RBM15: variants seen among roughly 807,000 people sequenced by gnomAD.
The protein encoded by RBM15 is RNA binding motif protein 15.
RBM15 carries 8 observed loss-of-function variants against 62.6 expected under a neutral mutation model. The observed-to-expected ratio is 0.13, with a 90% CI of 0.07 to 0.23. The LOEUF is 0.23. Ranked by LOEUF, RBM15 falls within the 10% of genes least tolerant of loss-of-function variation. The pLI is 1.00. For synonymous variants in RBM15, 606 were observed against 505.7 expected (o/e 1.20, Z -2.66); for missense variants, 1,144 against 1,286.5 (o/e 0.89, Z 1.69).
chr1:110,344,569 T>C (rs1397336823), intron 1 of RBM15, among the ~76,000 whole-genome samples: 5 of 152,184 alleles, frequency 3.3e-5, no homozygotes, highest in Non-Finnish European at 7.4e-5. Flanking sequence ...TCTAAATGTA[T>C]GTATTATAAA....
rs1380005021 is a variant in RBM15 at position 110,345,576 on chromosome 1, G to A, written c.2901G>A (p.Lys967=). 2 of 1,612,144 alleles carry A rather than the reference G, an allele frequency of 1.2e-6. No homozygotes were observed. Among genetic ancestry groups the A allele is most frequent in the South Asian group, 2.2e-5 (2 of 90,738 alleles). Reference sequence around the variant, plus strand: ...AGATAGGAGTTAGGTATGAGAACAAGAAGAGAGAAAACTTGGCGCTGACCC... The same window carrying A: ...AGATAGGAGTTAGGTATGAGAACAAAAAGAGAGAAAACTTGGCGCTGACCC... ...GFQIGVRYEN[K]KRENLALTLL The change falls in exon 2 of 3, where the codon AAG becomes AAA. Residue 967 remains lysine (K), a synonymous_variant. Transcript: ENST00000369784.
chr1:110,343,632 A>C (rs767071379), intron 1 of RBM15, among the ~76,000 whole-genome samples: 43 of 151,446 alleles, frequency 2.8e-4, no homozygotes, highest in Admixed American at 9.9e-4. Context: ...CCCACCCCTA[A>C]TTTGTCAGGT....
At chr1:110,343,704 A>G (rs1421385958) in intron 1 of RBM15, among the ~76,000 whole-genome samples, 1 of 152,030 alleles carries the variant, frequency 6.6e-6, no homozygotes, top group African/African-American at 2.4e-5. Flanking sequence ...AAGGCCCTTG[A>G]TATTTAATTA....
Position 110,341,734 on chromosome 1 carries a change from G to T in RBM15, c.2329G>T (p.Val777Leu), listed in dbSNP as rs776067103. ...GAAACAGGATGGGGGGACAGCCCCTGTGGCATCAGCCTCTCCCAAACTCTG... is the reference window on the plus strand; with the variant it reads ...GAAACAGGATGGGGGGACAGCCCCTTTGGCATCAGCCTCTCCCAAACTCTG... ...SQKQDGGTAP[V>L]ASASPKLCLA... Residue 777 changes from valine to leucine, a missense_variant, in exon 1 of 3, where the codon GTG (valine) becomes TTG (leucine). Val to Leu is a conservative substitution (Grantham distance 32). This residue lies in a region of RBM15 where 360 missense variants were observed against 342.9 expected (regional missense o/e 1.05). Coordinates refer to ENST00000369784, the MANE Select transcript of RBM15 (RefSeq NM_022768.5). This position sits in a 1 kb window ranked among gnomAD's most constrained non-coding sequence, Gnocchi z 4.5. The T allele has an allele frequency of 5.0e-6, 8 of 1,614,186 alleles. No individual in the cohort carries two copies. The highest frequency in any genetic ancestry group is 4.4e-5 in the South Asian group (4 of 91,084).
chr1:110,346,283 A>G (rs758086041), intron 2 of RBM15, 25 bp from the exon 3 acceptor site: 4 of 1,596,124 alleles, frequency 2.5e-6, no homozygotes, highest in Non-Finnish European at 3.4e-6. Context: ...GTACTGAATA[A>G]CCTTTTTTTC....
In RBM15 at chr1:110,346,375, T is replaced by TTG. The variant is rs1660898380; in HGVS notation, c.*111_*112dup. On this transcript the variant is annotated 3_prime_UTR_variant, in exon 3 of 3. Transcript: ENST00000369784. ...TCTAATGGACCTTTTTGAAGAGAAGTTGTGGCTTATGTGGAGTTTACATGG... is the reference window on the plus strand; with the variant it reads ...TCTAATGGACCTTTTTGAAGAGAAGTTGTGTGGCTTATGTGGAGTTTACATGG... The TTG allele has an allele frequency of 6.3e-7, 1 of 1,595,290 alleles. No individual in the cohort carries two copies. The highest frequency in any genetic ancestry group is 1.7e-5 in the Admixed American group (1 of 59,968).
chr1:110,344,210 G>A (rs1441603739), intron 1 of RBM15, among the ~76,000 whole-genome samples: 2 of 152,032 alleles, frequency 1.3e-5, no homozygotes, highest in South Asian at 2.1e-4. Flanking sequence ...TACATACGTG[G>A]GCTCATAGTA....
rs555175179 is a variant in RBM15, at chr1:110,341,074, G to T, written c.1669G>T (p.Ala557Ser). The T allele has an allele frequency of 6.2e-7, 1 of 1,614,156 alleles. No homozygotes were observed. Among genetic ancestry groups the T allele is most frequent in the Non-Finnish European group, 8.5e-7 (1 of 1,180,026 alleles). ...ELVTDAFGHR[A>S]PDPLRGARDR... ...GGTGACAGATGCTTTTGGACATCGG[G>T]CACCAGACCCTTTGAGGGGTGCTCG... Residue 557 changes from alanine to serine, a missense_variant, in exon 1 of 3, where the codon GCA becomes TCA. Transcript: ENST00000369784. The surrounding 1 kb of genome is among the most constrained non-coding windows in gnomAD (Gnocchi z 4.5).
In RBM15 at chr1:110,341,271, C is replaced by G; in HGVS notation, c.1866C>G (p.Ser622=). The G allele has an allele frequency of 6.2e-7, 1 of 1,614,124 alleles. No homozygotes were observed. The highest frequency in any genetic ancestry group is 1.1e-5 in the South Asian group (1 of 91,078). The change falls in exon 1 of 3, where the codon TCC becomes TCG. Residue 622 remains serine (S), a synonymous_variant. Transcript: ENST00000369784. This position sits in a 1 kb window ranked among gnomAD's most constrained non-coding sequence, Gnocchi z 4.5. ...DSLDRRRDGW[S]LDRDRGDRDL... Reference sequence around the variant, plus strand: ...TAGATCGCAGGCGGGATGGTTGGTCCTTGGACCGGGACAGAGGTGATCGAG... The same window carrying G: ...TAGATCGCAGGCGGGATGGTTGGTCGTTGGACCGGGACAGAGGTGATCGAG...
intron 1 of RBM15, 119 bp from the exon 2 acceptor site, chr1:110,345,420 C>T: frequency 1.3e-6 from 1 of 756,096 alleles, no homozygotes. Context: ...GAACCAATCA[C>T]CAAAAACTCT....
intron 1 of RBM15, among the ~76,000 whole-genome samples, chr1:110,344,087 T>C (rs1020180999): frequency 2.0e-5 from 3 of 152,172 alleles, no homozygotes; most frequent in Non-Finnish European, 4.4e-5. Flanking sequence ...CTTGTGCCTC[T>C]TGGGAAAATA....
chr1:110,343,102 C>T (rs575697735), intron 1 of RBM15, among the ~76,000 whole-genome samples: 2 of 152,158 alleles, frequency 1.3e-5, no homozygotes, highest in South Asian at 4.2e-4. Flanking sequence ...CAGTTCTAAT[C>T]GTGCATATTT....
At chr1:110,344,151 G>C (rs4839343) in intron 1 of RBM15, among the ~76,000 whole-genome samples, 83,995 of 151,942 alleles carry the variant, frequency 0.55, 23,224 homozygotes, top group Admixed American at 0.6. Context: ...AAAAGCTGTG[G>C]TTGGTTTGGA....
rs562287629 is a variant in RBM15 at position 110,341,271 on chromosome 1, C to T, written c.1866C>T (p.Ser622=). ...TAGATCGCAGGCGGGATGGTTGGTC[C>T]TTGGACCGGGACAGAGGTGATCGAG... is the stretch of plus-strand genomic sequence containing the variant. ...DSLDRRRDGW[S]LDRDRGDRDL... is the part of the protein sequence containing the mutation. Residue 622 remains serine, a synonymous_variant, in exon 1 of 3, where the codon TCC becomes TCT. Coordinates refer to ENST00000369784, the MANE Select transcript of RBM15 (RefSeq NM_022768.5). The surrounding 1 kb of genome is among the most constrained non-coding windows in gnomAD (Gnocchi z 4.5). 6.2e-7 allele frequency: 1 copy of T among 1,614,124 alleles called. No homozygotes were observed. The highest frequency in any genetic ancestry group is 2.2e-5 in the East Asian group (1 of 44,874).
At chr1:110,345,858 G>A (rs1660888060) in intron 2 of RBM15, among the ~76,000 whole-genome samples, 1 of 152,136 alleles carries the variant, frequency 6.6e-6, no homozygotes, top group Non-Finnish European at 1.5e-5. Flanking sequence ...CAATAATGGA[G>A]TAGTCTATGT....
chr1:110,345,895 A>G (rs1660888560), intron 2 of RBM15, among the ~76,000 whole-genome samples: 1 of 152,162 alleles, frequency 6.6e-6, no homozygotes, highest in South Asian at 2.1e-4. Context: ...CAGAATGAAA[A>G]TAGATGGGGC....
chr1:110,344,884 A>T (rs189493200), intron 1 of RBM15, among the ~76,000 whole-genome samples: 1 of 152,318 alleles, frequency 6.6e-6, no homozygotes, highest in East Asian at 1.9e-4. Context: ...AAACTTCAGG[A>T]TATCATTTAA....
At chr1:110,342,495 TAGC>T in intron 1 of RBM15, 1 of 410,964 alleles carries the variant, frequency 2.4e-6, no homozygotes, top group Admixed American at 4.1e-5. Context: ...GCCCTAAAGG[TAGC>T]AGGCAGGCAG....
rs937660150 is a variant in RBM15 at position 110,341,237 on chromosome 1, T to C, written c.1832T>C (p.Leu611Pro). Reference sequence around the variant, plus strand: ...ACTTCTGTGCCTGCTTACGAGCCACTGGATAGCCTAGATCGCAGGCGGGAT... The same window carrying C: ...ACTTCTGTGCCTGCTTACGAGCCACCGGATAGCCTAGATCGCAGGCGGGAT... ...AATSVPAYEP[L>P]DSLDRRRDGW... Residue 611 changes from leucine to proline, a missense_variant, in exon 1 of 3, where the codon CTG (leucine) becomes CCG (proline). Around this residue, in one of 8 missense-constraint regions of RBM15, gnomAD observed 360 missense variants for 342.9 expected, o/e 1.05. Coordinates refer to ENST00000369784, the MANE Select transcript of RBM15 (RefSeq NM_022768.5). The surrounding 1 kb of genome is among the most constrained non-coding windows in gnomAD (Gnocchi z 4.5). The C allele has an allele frequency of 1.2e-6, 2 of 1,613,988 alleles. No individual in the cohort carries two copies. Among genetic ancestry groups the C allele is most frequent in the Admixed American group, 3.3e-5 (2 of 60,000 alleles).
Sources: gnomAD v4.1 joint callset for allele counts (sites outside exome capture counted in the v4.1 genomes callset) on GRCh38, gnomAD v4.1.1 for gene constraint, gnomAD v4.1.1 regional missense constraint, Gnocchi (gnomAD v3.1) non-coding constraint, MANE v1.5 for transcripts, NCBI Gene and HGNC (gene_info 2026-07-23, HGNC 2026-07-21) for gene names.